ZNF800: variants seen among roughly 807,000 people sequenced by gnomAD.
The protein encoded by ZNF800 is zinc finger protein 800.
ZNF800 carries 13 observed loss-of-function variants against 59.5 expected under a neutral mutation model. The observed-to-expected ratio is 0.22, with a 90% CI of 0.14 to 0.35. The LOEUF is 0.35. Ranked by LOEUF, ZNF800 falls within the 10% of genes least tolerant of loss-of-function variation. The probability of loss-of-function intolerance (pLI) is 1.00; values close to 1 mark genes in which losing one functional copy is unlikely to be tolerated. For missense variants in ZNF800, 621 were observed against 783.7 expected (o/e 0.79, Z 2.48); for synonymous variants, 266 against 265.7 (o/e 1.00, Z -0.01).
chr7:127,391,113 T>G (rs1416935846), intron 2 of ZNF800, among the ~76,000 whole-genome samples: 1 of 152,188 alleles, frequency 6.6e-6, no homozygotes, highest in Non-Finnish European at 1.5e-5. Context: ...CCTAAGAAAC[T>G]TTTAATTTTT....
downstream of ZNF800, among the ~76,000 whole-genome samples, chr7:127,345,123 A>G (rs1003127004): frequency 2.6e-5 from 4 of 152,220 alleles, no homozygotes; most frequent in African/African-American, 9.6e-5. Context: ...ATCAATGAAA[A>G]GTGAACCCTC....
chr7:127,384,065 A>T (rs992978859), intron 3 of ZNF800, among the ~76,000 whole-genome samples: 3 of 152,080 alleles, frequency 2.0e-5, no homozygotes, highest in Non-Finnish European at 2.9e-5. Context: ...ACATAATAAG[A>T]AAATAATTAA....
At chr7:127,380,056 C>G (rs1033332802) in intron 3 of ZNF800, among the ~76,000 whole-genome samples, 6 of 151,974 alleles carry the variant, frequency 3.9e-5, no homozygotes, top group Admixed American at 1.3e-4. Flanking sequence ...TGACTCACTT[C>G]TAATAATCCT....
At chr7:127,351,927 G>A (rs1481442698) in intron 1 of ZNF800, among the ~76,000 whole-genome samples, 1 of 152,206 alleles carries the variant, frequency 6.6e-6, no homozygotes, top group Admixed American at 6.5e-5. Context: ...GCAACTTCAA[G>A]ATCATCTCTT....
At chr7:127,368,806 C>T (rs536153412), downstream of ZNF800, among the ~76,000 whole-genome samples, 1 of 151,958 alleles carries the variant, frequency 6.6e-6, no homozygotes. Flanking sequence ...CTCTTTAATG[C>T]AAACTGAGCA....
At chr7:127,379,836 A>ATCCCC (rs1800904967) in intron 3 of ZNF800, among the ~76,000 whole-genome samples, 1 of 27,636 alleles carries the variant, frequency 3.6e-5, no homozygotes, top group Admixed American at 4.7e-4. Context: ...TACCCTTGCC[A>ATCCCC]CCCCCCCACC....
At chr7:127,387,410 C>T (rs1801170342) in intron 2 of ZNF800, among the ~76,000 whole-genome samples, 1 of 152,184 alleles carries the variant, frequency 6.6e-6, no homozygotes, top group Non-Finnish European at 1.5e-5. Flanking sequence ...CAGTACTTAG[C>T]TTTCTGATAG....
intron 1 of ZNF800, among the ~76,000 whole-genome samples, chr7:127,354,091 C>A (rs1800223540): frequency 1.3e-5 from 2 of 152,094 alleles, no homozygotes; most frequent in African/African-American, 4.8e-5. Flanking sequence ...ACACACAGTA[C>A]AAATTTTTAC....
chr7:127,392,062 A>C lies in ZNF800; in HGVS notation c.-61T>G, dbSNP rs1039964451. On this transcript the variant is annotated splice_region_variant and 5_prime_UTR_variant, in exon 1 of 6. Coordinates refer to ENST00000265827, the MANE Select transcript of ZNF800 (RefSeq NM_176814.5). ...ACAACCAAGTGCGCCCAACTTACTC[A>C]ACTCTTAGGGCGGGCCGGCGGGCGG... The C allele has an allele frequency of 4.4e-5, 17 of 388,958 alleles. No homozygotes were observed. Among genetic ancestry groups the C allele is most frequent in the Non-Finnish European group, 4.1e-5 (9 of 220,286 alleles). 24.1% of individuals were successfully genotyped at this position (388,958 alleles called of 1,614,324 possible).
chr7:127,369,699 C>T (rs1402910220), downstream of ZNF800, among the ~76,000 whole-genome samples: 2 of 152,012 alleles, frequency 1.3e-5, no homozygotes, highest in African/African-American at 4.8e-5. Context: ...CTTTTGACAG[C>T]CCTGGAACTC....
rs530732074 is a variant in ZNF800 at position 127,371,535 on chromosome 7, C to T, written c.*279G>A. 19 of 313,758 alleles carry T rather than the reference C, an allele frequency of 6.1e-5. No homozygotes were observed. The Admixed American group carries it at 6.4e-4, about 11-fold the overall frequency. The allele number at this position is 313,758 out of a possible 1,614,324, so 19.4% of individuals were successfully genotyped here. A position where few individuals can be genotyped will look rare whatever the true frequency, so the allele number is the denominator to read the frequency against. ...TTTGTAACATTTTTGTAGAAACTGT[C>T]GACCAAATGCACAAGGTCAAGGGTG... On this transcript the variant is annotated 3_prime_UTR_variant, in exon 6 of 6. Coordinates refer to ENST00000265827, the MANE Select transcript of ZNF800 (RefSeq NM_176814.5).
At position 127,386,143 on chromosome 7, in the gene ZNF800, T is replaced by G; in HGVS notation, c.74A>C (p.Glu25Ala). The change falls in exon 3 of 6, where the codon GAA becomes GCA. Residue 25 changes from glutamate to alanine, a missense_variant. Glu to Ala is a moderately radical substitution (Grantham distance 107). Transcript: ENST00000265827. ...CTGTAACAAAGGAGGATCTCCAGGT[T>G]CCAGGATATAAACTACATGGAAGAC... Reference protein sequence around the residue: ...HGCCEPVYILEPGDPPLLQQP... With the variant: ...HGCCEPVYILAPGDPPLLQQP... 6.2e-7 allele frequency: 1 copy of G among 1,610,764 alleles called. No homozygotes were observed. Among genetic ancestry groups the G allele is most frequent in the Non-Finnish European group, 8.5e-7 (1 of 1,177,786 alleles).
At position 127,386,046 on chromosome 7, in the gene ZNF800, T is replaced by C. The variant is rs1267185547; in HGVS notation, c.157+14A>G. 6.3e-7 allele frequency: 1 copy of C among 1,585,016 alleles called. No homozygotes were observed. Among genetic ancestry groups the C allele is most frequent in the Non-Finnish European group, 8.6e-7 (1 of 1,157,336 alleles). The stretch of plus-strand genomic sequence containing the variant: ...TATGTGAAGATTGAAAAATATATCC[T>C]AAAACATTCATACCTGATCGAAAGC... On this transcript the variant is annotated intron_variant, in intron 3 of 5. Coordinates refer to ENST00000265827, the MANE Select transcript of ZNF800 (RefSeq NM_176814.5).
chr7:127,347,666 G>C (rs983366588), exon 2 of ZNF800: 4 of 152,446 alleles, frequency 2.6e-5, no homozygotes, highest in African/African-American at 9.6e-5. Context: ...GTCCTCTAGA[G>C]GGCTTCGCGG....
intron 4 of ZNF800, among the ~76,000 whole-genome samples, chr7:127,376,406 A>C (rs1800788965): frequency 6.6e-6 from 1 of 151,940 alleles, no homozygotes; most frequent in African/African-American, 2.4e-5. Flanking sequence ...AGGTAGCCCA[A>C]TATTGAATTT....
intron 1 of ZNF800, among the ~76,000 whole-genome samples, chr7:127,355,996 A>C (rs1264294738): frequency 6.6e-6 from 1 of 152,052 alleles, no homozygotes; most frequent in East Asian, 1.9e-4. Flanking sequence ...CACCCAAAAA[A>C]CATAAACCAG....
intron 2 of ZNF800, among the ~76,000 whole-genome samples, chr7:127,388,411 C>CA (rs1213010339): frequency 1.3e-5 from 2 of 151,650 alleles, no homozygotes; most frequent in Admixed American, 6.6e-5. Flanking sequence ...TAACTACTTA[C>CA]AAAAAAAATG....
At chr7:127,375,899 G>A (rs1800777738) in intron 4 of ZNF800, among the ~76,000 whole-genome samples, 1 of 151,928 alleles carries the variant, frequency 6.6e-6, no homozygotes, top group South Asian at 2.1e-4. Flanking sequence ...GATGAATAAA[G>A]TAGTGTCTAT....
chr7:127,364,351 A>T (rs1032125296), intron 1 of ZNF800: 2 of 152,154 alleles, frequency 1.3e-5, no homozygotes, highest in Non-Finnish European at 2.9e-5. Flanking sequence ...TCATTCAAAA[A>T]ATATTTACTG....
Sources: allele counts gnomAD v4.1 joint callset (sites outside exome capture counted in the v4.1 genomes callset), GRCh38; gene constraint gnomAD v4.1.1; transcripts MANE v1.5; gene names NCBI Gene and HGNC (gene_info 2026-07-23, HGNC 2026-07-21).